Variants in HBEGF observed in about 807,000 individuals in gnomAD.
HBEGF encodes heparin binding EGF like growth factor, also known as proheparin-binding EGF-like growth factor.
In HBEGF, 8 loss-of-function variants were observed where a neutral mutation model predicts 19.5. The observed-to-expected ratio is 0.41, with a 90% CI of 0.24 to 0.74. The LOEUF (loss-of-function observed/expected upper bound fraction) is 0.74. HBEGF is among the 30% of genes least tolerant of loss of function. HBEGF has a pLI of 0.32. For missense variants in HBEGF, 207 were observed against 256.9 expected (o/e 0.81, Z 1.33); for synonymous variants, 97 against 108.9 (o/e 0.89, Z 0.68).
At chr5:140,342,607 G>C in intron 3 of HBEGF, 28 bp downstream of exon 3, 1 of 1,606,134 alleles carries the variant, frequency 6.2e-7, no homozygotes, top group Non-Finnish European at 8.5e-7. Context: ...GTGCTGATGA[G>C]ATTCAGCCCT....
At chr5:140,341,964 C>G (rs1341189446) in intron 3 of HBEGF, among the ~76,000 whole-genome samples, 1 of 152,176 alleles carries the variant, frequency 6.6e-6, no homozygotes, top group Admixed American at 6.5e-5. Flanking sequence ...TGTTGCCTGA[C>G]CGGGGGCTGA....
intron 3 of HBEGF, among the ~76,000 whole-genome samples, chr5:140,341,311 C>T (rs1005654042): frequency 6.6e-6 from 1 of 152,224 alleles, no homozygotes. Context: ...TAGACAGATT[C>T]CTGACCTCAA....
At chr5:140,342,266 C>G (rs1209338523) in intron 3 of HBEGF, among the ~76,000 whole-genome samples, 1 of 152,210 alleles carries the variant, frequency 6.6e-6, no homozygotes, top group Non-Finnish European at 1.5e-5. Flanking sequence ...AGGAGCTCTA[C>G]TCTGCCCTGG....
chr5:140,344,098 A>G (rs1766357169), intron 2 of HBEGF, among the ~76,000 whole-genome samples: 1 of 151,984 alleles, frequency 6.6e-6, no homozygotes, highest in Non-Finnish European at 1.5e-5. Context: ...AGATCGTGCC[A>G]TTGCACTCCA....
At chr5:140,342,424 G>A (rs909338441) in intron 3 of HBEGF, among the ~76,000 whole-genome samples, 4 of 152,138 alleles carry the variant, frequency 2.6e-5, no homozygotes, top group South Asian at 2.1e-4. Flanking sequence ...ATTAAAGCAC[G>A]TCACAAAACC....
At chr5:140,341,649 T>C (rs1468522565) in intron 3 of HBEGF, among the ~76,000 whole-genome samples, 2 of 152,218 alleles carry the variant, frequency 1.3e-5, no homozygotes, top group African/African-American at 4.8e-5. Context: ...GTAGAAGGGA[T>C]GCCAGGCACG....
At chr5:140,340,441 G>A (rs776764282) in intron 3 of HBEGF, among the ~76,000 whole-genome samples, 4 of 151,718 alleles carry the variant, frequency 2.6e-5, no homozygotes, top group Admixed American at 1.3e-4. Context: ...TTATTAATTC[G>A]GCATGGTGGC....
intron 3 of HBEGF, among the ~76,000 whole-genome samples, chr5:140,336,756 T>C (rs1766232642): frequency 1.3e-5 from 2 of 152,022 alleles, no homozygotes; most frequent in African/African-American, 2.4e-5. Context: ...TGGAAGACTG[T>C]CAGAAACAAT....
At chr5:140,336,828 C>CTTTTTTTTTTTTTTTTTT (rs1160533557) in intron 3 of HBEGF, among the ~76,000 whole-genome samples, 3 of 129,812 alleles carry the variant, frequency 2.3e-5, no homozygotes, top group Non-Finnish European at 3.2e-5. Context: ...TTTTCTTTTT[C>CTTTTTTTTTTTTTTTTTT]TTTTTTTTTT....
chr5:140,345,769 G>A, intron 2 of HBEGF, 142 bp downstream of exon 2: 1 of 919,082 alleles, frequency 1.1e-6, no homozygotes, highest in East Asian at 2.5e-5. Flanking sequence ...ATCCCCCAGT[G>A]CCCATCAGGC....
intron 2 of HBEGF, 90 bp downstream of exon 2, chr5:140,345,821 C>G: frequency 6.6e-7 from 1 of 1,514,704 alleles, no homozygotes. Context: ...TACCCTCAAC[C>G]CACAGTATTG....
chr5:140,337,447 C>T (rs549145380), intron 3 of HBEGF, among the ~76,000 whole-genome samples: 1 of 152,358 alleles, frequency 6.6e-6, no homozygotes, highest in Non-Finnish European at 1.5e-5. Flanking sequence ...AGACCACCAG[C>T]TGCTGAAGGA....
intron 2 of HBEGF, among the ~76,000 whole-genome samples, chr5:140,344,690 A>C (rs1766367025): frequency 6.6e-6 from 1 of 151,948 alleles, no homozygotes; most frequent in African/African-American, 2.4e-5. Context: ...AAGGTGATAC[A>C]GGTGGTCAGA....
intron 4 of HBEGF, 66 bp from the exon 5 acceptor site, chr5:140,334,814 C>T: frequency 7.9e-7 from 1 of 1,268,146 alleles, no homozygotes; most frequent in Non-Finnish European, 1.2e-6. Flanking sequence ...CAGAGCAGGT[C>T]CTTCCAAAGA....
chr5:140,335,676 A>T (rs1305648747), intron 4 of HBEGF, among the ~76,000 whole-genome samples, 196 bp downstream of exon 4: 1 of 152,136 alleles, frequency 6.6e-6, no homozygotes, highest in Non-Finnish European at 1.5e-5. Context: ...TGGCCTCGCA[A>T]ATTTGACCCT....
Position 140,335,997 on chromosome 5 carries a change from A to G in HBEGF, c.429T>C (p.Cys143=). The change falls in exon 4 of 6, where the codon TGT becomes TGC. Residue 143 remains cysteine (C), a synonymous_variant. Coordinates refer to ENST00000230990, the MANE Select transcript of HBEGF (RefSeq NM_001945.3). ...ICHPGYHGER[C]HGLSLPVENR... Reference sequence around the variant, plus strand: ...TTTCCACTGGGAGGCTCAGCCCATGACACCTCTCTCCATGGTAACCCGGGT... The same window carrying G: ...TTTCCACTGGGAGGCTCAGCCCATGGCACCTCTCTCCATGGTAACCCGGGT... 1 of 1,614,136 alleles carries G rather than the reference A, an allele frequency of 6.2e-7. No homozygotes were observed.
chr5:140,338,722 G>T (rs992650373), intron 3 of HBEGF, among the ~76,000 whole-genome samples: 1 of 152,110 alleles, frequency 6.6e-6, no homozygotes, highest in African/African-American at 2.4e-5. Flanking sequence ...CCAGGGTAGG[G>T]GCAAAATTTT....
rs1055830022 is a variant in HBEGF, at chr5:140,346,532, G to A, written c.-204C>T. ...TGTCTTGCTCACTCAGCCCGCCCGC[G>A]CGGCCGCCCGACCCCGCGCGCCTAG... On this transcript the variant is annotated 5_prime_UTR_variant, in exon 1 of 6. Transcript: ENST00000230990. The surrounding 1 kb of genome is among the most constrained non-coding windows in gnomAD (Gnocchi z 6.1). 4.8e-6 allele frequency: 3 copies of A among 618,592 alleles called. No homozygotes were observed. The highest frequency in any genetic ancestry group is 8.4e-6 in the Non-Finnish European group (3 of 358,070). 38.3% of individuals were successfully genotyped at this position (618,592 alleles called of 1,614,324 possible).
rs1055651123 is a variant in HBEGF, at chr5:140,343,398, C to A, written c.221-586G>T. On this transcript the variant is annotated intron_variant, in intron 2 of 5. Transcript: ENST00000230990. ...CCCAGGGCAGAGCCTGGCTCAGGAA[C>A]AGCAAGCAGGCCAGCCCTGGTCACG... is the stretch of plus-strand genomic sequence containing the variant. Among the ~76,000 whole-genome samples the A allele has an allele frequency of 2.0e-5, 3 of 152,220 alleles. 1 individual carries two copies. Among genetic ancestry groups the A allele is most frequent in the Non-Finnish European group, 4.4e-5 (3 of 68,032 alleles).
Sources: allele counts gnomAD v4.1 joint callset (sites outside exome capture counted in the v4.1 genomes callset), GRCh38; gene constraint gnomAD v4.1.1; non-coding constraint Gnocchi (gnomAD v3.1); transcripts MANE v1.5; gene names NCBI Gene and HGNC (gene_info 2026-07-23, HGNC 2026-07-21).